CMTM6: variants seen among roughly 807,000 people sequenced by gnomAD.
CMTM6 encodes CKLF like MARVEL transmembrane domain containing 6, also known as CKLF-like MARVEL transmembrane domain-containing protein 6.
In CMTM6, 5 loss-of-function variants were observed where a neutral mutation model predicts 13.6. The observed-to-expected ratio is 0.37, with a 90% CI of 0.19 to 0.77. The LOEUF (loss-of-function observed/expected upper bound fraction) is 0.77. CMTM6 is among the 30% of genes least tolerant of loss of function. CMTM6 has a pLI of 0.50. For synonymous variants in CMTM6, 99 were observed against 84.5 expected, an observed-to-expected ratio of 1.17 and a Z score of -0.94; for missense variants, 196 against 218.6, an observed-to-expected ratio of 0.90 and a Z score of 0.65.
At chr3:32,492,255 C>T (rs956983114) in intron 1 of CMTM6, among the ~76,000 whole-genome samples, 2 of 152,096 alleles carry the variant, frequency 1.3e-5, no homozygotes, top group African/African-American at 4.8e-5. Flanking sequence ...AAGAAATTCC[C>T]AGCAGAGAAG....
At chr3:32,490,487 T>TA in intron 2 of CMTM6, among the ~76,000 whole-genome samples, 1 of 152,286 alleles carries the variant, frequency 6.6e-6, no homozygotes, top group South Asian at 2.1e-4. Context: ...ATGAATGGAA[T>TA]AAAAAGACTT....
At chr3:32,488,970 C>A (rs904510411) in intron 2 of CMTM6, among the ~76,000 whole-genome samples, 1 of 152,196 alleles carries the variant, frequency 6.6e-6, no homozygotes, top group African/African-American at 2.4e-5. Context: ...TCCACTAAAC[C>A]TAATATCAAT....
intron 1 of CMTM6, among the ~76,000 whole-genome samples, chr3:32,501,112 C>T (rs1214435300): frequency 6.6e-6 from 1 of 150,712 alleles, no homozygotes; most frequent in Non-Finnish European, 1.5e-5. Context: ...ATTGCCTGAA[C>T]CCGGGAGGCG....
At chr3:32,497,250 T>G (rs1697301435) in intron 1 of CMTM6, among the ~76,000 whole-genome samples, 1 of 151,272 alleles carries the variant, frequency 6.6e-6, no homozygotes, top group Non-Finnish European at 1.5e-5. Flanking sequence ...CCGGGCGTGG[T>G]GGCGGGCGCC....
chr3:32,502,216 G>T (rs755885711), intron 1 of CMTM6, among the ~76,000 whole-genome samples: 8 of 152,246 alleles, frequency 5.3e-5, no homozygotes, highest in Non-Finnish European at 8.8e-5. Context: ...GCCAGAGAAA[G>T]ATAAACAGCG....
intron 3 of CMTM6, among the ~76,000 whole-genome samples, chr3:32,486,883 A>G (rs1697210188): frequency 6.6e-6 from 1 of 152,018 alleles, no homozygotes; most frequent in South Asian, 2.1e-4. Context: ...CACTCTCTCT[A>G]TTCCTCCTGC....
intron 2 of CMTM6, 131 bp from the exon 3 acceptor site, chr3:32,488,167 C>T: frequency 1.6e-6 from 1 of 619,906 alleles, no homozygotes; most frequent in Non-Finnish European, 2.9e-6. Context: ...ACTTACATAC[C>T]CAAACTTCTA....
In CMTM6 at chr3:32,502,695, G is replaced by T; in HGVS notation, c.51C>A (p.Pro17=). The change falls in exon 1 of 4, where the codon CCC becomes CCA. Residue 17 remains proline (P), a synonymous_variant. Transcript: ENST00000205636. Reference sequence around the variant, plus strand: ...CGAGGCCGCTCCGGGGGCCTCTGGCGGGGCCCGGGTCCTCCTCCGTAGTGG... The same window carrying T: ...CGAGGCCGCTCCGGGGGCCTCTGGCTGGGCCCGGGTCCTCCTCCGTAGTGG... ...YSPTTEEDPG[P]ARGPRSGLAA... 6.3e-7 allele frequency: 1 copy of T among 1,585,586 alleles called. No individual in the cohort carries two copies.
intron 2 of CMTM6, chr3:32,488,263 C>A: frequency 2.8e-6 from 1 of 353,300 alleles, no homozygotes; most frequent in Non-Finnish European, 5.2e-6. Flanking sequence ...GAACACATTA[C>A]AAGATAAACT....
chr3:32,493,475 G>A (rs751044302), intron 1 of CMTM6, among the ~76,000 whole-genome samples: 20 of 152,180 alleles, frequency 1.3e-4, no homozygotes, highest in Admixed American at 4.6e-4. Context: ...TAAATATGCT[G>A]TGATTGAGGA....
Position 32,487,000 on chromosome 3 carries a change from G to A in CMTM6, c.414+938C>T, listed in dbSNP as rs550417324. On this transcript the variant is annotated intron_variant, in intron 3 of 3. Transcript: ENST00000205636. ...CCTATAGAGCTGTCAGAACCATGAG[G>A]CAATTAAACCTCTTTTCTTTATAAG... Among the ~76,000 whole-genome samples the A allele has an allele frequency of 9.2e-5, 14 of 152,194 alleles. No individual in the cohort carries two copies. The East Asian group carries it at 2.7e-3, about 29-fold the overall frequency.
intron 1 of CMTM6, among the ~76,000 whole-genome samples, chr3:32,500,921 G>A (rs569181468): frequency 6.6e-6 from 1 of 152,146 alleles, no homozygotes; most frequent in South Asian, 2.1e-4. Context: ...TGGGCTGGGC[G>A]CAGTGGCTTA....
At position 32,493,247 on chromosome 3, in the gene CMTM6, G is replaced by A. The variant is rs915111474; in HGVS notation, c.139-1361C>T. On this transcript the variant is annotated intron_variant, in intron 1 of 3. Transcript: ENST00000205636. ...GCTAATGAGATGCCTACTGGCCATG[G>A]CAGGCTGTGGGTGACTGGTGTGAGG... Among the ~76,000 whole-genome samples the A allele has an allele frequency of 5.4e-4, 82 of 152,336 alleles. 1 individual carries two copies. Among genetic ancestry groups the A allele is most frequent in the East Asian group, 1.9e-4 (1 of 5,186 alleles).
Position 32,502,697 on chromosome 3 carries a change from G to C in CMTM6, c.49C>G (p.Pro17Ala). The C allele has an allele frequency of 6.3e-7, 1 of 1,585,308 alleles. No individual in the cohort carries two copies. Among genetic ancestry groups the C allele is most frequent in the Non-Finnish European group, 8.6e-7 (1 of 1,168,328 alleles). ...YSPTTEEDPGPARGPRSGLAA... is the reference protein window; with the variant it reads ...YSPTTEEDPGAARGPRSGLAA... Reference sequence around the variant, plus strand: ...AGGCCGCTCCGGGGGCCTCTGGCGGGGCCCGGGTCCTCCTCCGTAGTGGGG... The same window carrying C: ...AGGCCGCTCCGGGGGCCTCTGGCGGCGCCCGGGTCCTCCTCCGTAGTGGGG... Residue 17 changes from proline to alanine, a missense_variant, in exon 1 of 4, where the codon CCC becomes GCC. Around this residue, in one of 2 missense-constraint regions of CMTM6, gnomAD observed 85 missense variants for 58.7 expected, o/e 1.45. Coordinates refer to ENST00000205636, the MANE Select transcript of CMTM6 (RefSeq NM_017801.3).
rs745409370 is a variant in CMTM6 at position 32,491,784 on chromosome 3, G to A, written c.241C>T (p.Leu81=). The A allele has an allele frequency of 6.2e-7, 1 of 1,613,864 alleles. No individual in the cohort carries two copies. The highest frequency in any genetic ancestry group is 1.1e-5 in the South Asian group (1 of 91,086). Residue 81 remains leucine, a synonymous_variant, in exon 2 of 4, where the codon CTG becomes TTG. Coordinates refer to ENST00000205636, the MANE Select transcript of CMTM6 (RefSeq NM_017801.3). ...FEFVSCSAFL[L]SLLILIVYCT... is the part of the protein sequence containing the mutation. Reference sequence around the variant, plus strand: ...TACACAATCAGTATAAGGAGACTCAGAAGAAAGGCACTGCAGCTTACAAAC... The same window carrying A: ...TACACAATCAGTATAAGGAGACTCAAAAGAAAGGCACTGCAGCTTACAAAC...
intron 1 of CMTM6, among the ~76,000 whole-genome samples, chr3:32,497,165 C>T (rs1425749135): frequency 1.3e-5 from 2 of 151,856 alleles, no homozygotes; most frequent in African/African-American, 2.4e-5. Flanking sequence ...GGGCGGATCA[C>T]GAGGTCAGGA....
intron 2 of CMTM6, among the ~76,000 whole-genome samples, chr3:32,489,091 A>C (rs1697229148): frequency 6.6e-6 from 1 of 151,506 alleles, no homozygotes; most frequent in South Asian, 2.1e-4. Flanking sequence ...ACATGGTGAA[A>C]CCCTGTCTCT....
intron 3 of CMTM6, among the ~76,000 whole-genome samples, chr3:32,485,174 G>C (rs1697192128): frequency 6.6e-6 from 1 of 150,674 alleles, no homozygotes; most frequent in Non-Finnish European, 1.5e-5. Context: ...TTTTGAAGCT[G>C]TCTCTGATCA....
intron 1 of CMTM6, among the ~76,000 whole-genome samples, chr3:32,498,697 A>G (rs1407133640): frequency 6.9e-6 from 1 of 145,724 alleles, no homozygotes; most frequent in Admixed American, 7.2e-5. Flanking sequence ...CTCCTGCCTC[A>G]GCCTCCTGAG....
Sources: gnomAD v4.1 joint callset for allele counts (sites outside exome capture counted in the v4.1 genomes callset) on GRCh38, gnomAD v4.1.1 for gene constraint, gnomAD v4.1.1 regional missense constraint, MANE v1.5 for transcripts, NCBI Gene and HGNC (gene_info 2026-07-23, HGNC 2026-07-21) for gene names.